Variants in LUZP2 observed in about 807,000 individuals in gnomAD.
The protein encoded by LUZP2 is leucine zipper protein 2.
Under a neutral mutation model 51.6 loss-of-function variants are expected in LUZP2, and 52 were observed. That is an observed-to-expected ratio of 1.01 (90% CI 0.81 to 1.27). The LOEUF is 1.27. LUZP2 is among the 50% of genes most tolerant of loss of function. The probability of loss-of-function intolerance (pLI) is 0.00; values close to 1 mark genes in which losing one functional copy is unlikely to be tolerated. For missense variants in LUZP2, 436 were observed against 395.4 expected, an observed-to-expected ratio of 1.10 and a Z score of -0.87; for synonymous variants, 154 against 137.3, an observed-to-expected ratio of 1.12 and a Z score of -0.85.
chr11:24,612,656 A>G (rs1227409761), intron 1 of LUZP2, among the ~76,000 whole-genome samples: 2 of 152,144 alleles, frequency 1.3e-5, no homozygotes, highest in Non-Finnish European at 2.9e-5. Flanking sequence ...AGCAGAATAT[A>G]AATAGATGAA....
At position 24,640,253 on chromosome 11, in the gene LUZP2, G is replaced by T. The variant is rs146375262; in HGVS notation, c.63-88916G>T. ...TCAAAAAGACTCCTGTGTATGTTTAGTCAAGCTGGGCGGAAAGTTAAGGGC... is the reference window on the plus strand; with the variant it reads ...TCAAAAAGACTCCTGTGTATGTTTATTCAAGCTGGGCGGAAAGTTAAGGGC... On this transcript the variant is annotated intron_variant, in intron 1 of 11. Transcript: ENST00000336930. 9.3e-4 allele frequency among the ~76,000 whole-genome samples: 141 copies of T among 152,032 alleles called. 2 individuals are homozygous for T. Among genetic ancestry groups the T allele is most frequent in the African/African-American group, 3.2e-3 (134 of 41,294 alleles).
At chr11:24,926,343 G>C (rs1854246314) in intron 7 of LUZP2, among the ~76,000 whole-genome samples, 1 of 101,504 alleles carries the variant, frequency 9.9e-6, no homozygotes, top group Non-Finnish European at 1.8e-5. Flanking sequence ...ATATATACGT[G>C]TGTATATATA....
intron 4 of LUZP2, chr11:24,763,015 A>G: frequency 8.9e-6 from 7 of 790,722 alleles, no homozygotes; most frequent in Non-Finnish European, 1.1e-5. Context: ...TCTCAATTTA[A>G]AAAAAAAATA....
In LUZP2 at chr11:24,607,341, C is replaced by CTTT. The variant is rs57741208; in HGVS notation, c.62+110063_62+110065dup. 1.1e-4 allele frequency among the ~76,000 whole-genome samples: 7 copies of CTTT among 63,408 alleles called. 1 individual carries two copies. Among genetic ancestry groups the CTTT allele is most frequent in the African/African-American group, 2.7e-4 (5 of 18,232 alleles). The allele number at this position is 63,408 out of a possible 152,430, so 41.6% of individuals were successfully genotyped here. On this transcript the variant is annotated intron_variant, in intron 1 of 11. Transcript: ENST00000336930. ...GTGGTATAAGATGGGGATATTATGT[C>CTTT]TTTTTTTTTTTTTTTTTTTTTTTTT...
intron 1 of LUZP2, among the ~76,000 whole-genome samples, chr11:24,718,718 A>C (rs893668433): frequency 1.3e-5 from 2 of 152,202 alleles, no homozygotes; most frequent in Non-Finnish European, 2.9e-5. Flanking sequence ...ATATTATAAT[A>C]CTAAAAAGAG....
At chr11:24,710,407 T>C (rs1049687164) in intron 1 of LUZP2, among the ~76,000 whole-genome samples, 1 of 152,108 alleles carries the variant, frequency 6.6e-6, no homozygotes, top group Non-Finnish European at 1.5e-5. Context: ...AAGCAGAAGA[T>C]TCATTTCACA....
chr11:24,592,320 T>A (rs2133844633), intron 1 of LUZP2, among the ~76,000 whole-genome samples: 1 of 152,298 alleles, frequency 6.6e-6, no homozygotes, highest in African/African-American at 2.4e-5. Flanking sequence ...ATATTTCACA[T>A]TTGATTTGAG....
At chr11:24,657,883 C>T (rs1241096603) in intron 1 of LUZP2, among the ~76,000 whole-genome samples, 2 of 152,168 alleles carry the variant, frequency 1.3e-5, no homozygotes, top group East Asian at 3.9e-4. Context: ...TGAAGAACCT[C>T]TTCAAGGAGA....
At chr11:24,866,744 A>G (rs749275074) in intron 5 of LUZP2, among the ~76,000 whole-genome samples, 7 of 152,230 alleles carry the variant, frequency 4.6e-5, no homozygotes, top group Non-Finnish European at 7.3e-5. Flanking sequence ...TTGAAAATTC[A>G]GAAAGACTTC....
At chr11:24,975,313 G>A (rs1043118534) in intron 7 of LUZP2, among the ~76,000 whole-genome samples, 3 of 152,026 alleles carry the variant, frequency 2.0e-5, no homozygotes, top group African/African-American at 4.8e-5. Flanking sequence ...TAAAATGGCA[G>A]CTTTCCTATA....
chr11:24,764,490 T>TAAAAAAAAAAAAAAAAAAAAAAAAAAAAA (rs869045272), intron 5 of LUZP2, among the ~76,000 whole-genome samples: 26 of 94,030 alleles, frequency 2.8e-4, no homozygotes, highest in Admixed American at 6.7e-4. Context: ...ATCTCATCTC[T>TAAAAAAAAAAAAAAAAAAAAAAAAAAAAA]AAAAAAAAAA....
At chr11:24,996,741 G>A (rs1445995171) in intron 9 of LUZP2, among the ~76,000 whole-genome samples, 3 of 151,880 alleles carry the variant, frequency 2.0e-5, no homozygotes, top group South Asian at 2.1e-4. Flanking sequence ...TTAGCATTAG[G>A]TATATCTCCT....
At chr11:24,715,110 A>AC (rs1857986469) in intron 1 of LUZP2, among the ~76,000 whole-genome samples, 1 of 151,872 alleles carries the variant, frequency 6.6e-6, no homozygotes, top group African/African-American at 2.4e-5. Flanking sequence ...TCTGGGCGTA[A>AC]GTGGACAGAG....
At chr11:24,675,294 G>C (rs1224187545) in intron 1 of LUZP2, among the ~76,000 whole-genome samples, 1 of 152,066 alleles carries the variant, frequency 6.6e-6, no homozygotes, top group Non-Finnish European at 1.5e-5. Context: ...CTTTGCAGTA[G>C]GATGCTTTAA....
chr11:24,714,320 G>A (rs1296202458), intron 1 of LUZP2, among the ~76,000 whole-genome samples: 1 of 151,902 alleles, frequency 6.6e-6, no homozygotes, highest in Admixed American at 6.6e-5. Flanking sequence ...AATAAAAAAA[G>A]GAAAACAAAA....
At chr11:24,551,282 G>A (rs1427956445) in intron 1 of LUZP2, among the ~76,000 whole-genome samples, 1 of 151,996 alleles carries the variant, frequency 6.6e-6, no homozygotes, top group Non-Finnish European at 1.5e-5. Flanking sequence ...ACTGATCTAT[G>A]TTACAACATG....
intron 4 of LUZP2, among the ~76,000 whole-genome samples, chr11:24,760,739 T>A (rs1310967389): frequency 6.6e-6 from 1 of 152,174 alleles, no homozygotes; most frequent in Non-Finnish European, 1.5e-5. Flanking sequence ...TCAGATGTGA[T>A]GAGGCTGTTA....
intron 9 of LUZP2, among the ~76,000 whole-genome samples, chr11:25,031,139 G>A (rs1413005214): frequency 6.8e-6 from 1 of 147,736 alleles, no homozygotes; most frequent in Non-Finnish European, 1.5e-5. Flanking sequence ...AGCCTCCTGA[G>A]TAGCTGGGAC....
chr11:24,952,215 C>T (rs1178301570), intron 7 of LUZP2, among the ~76,000 whole-genome samples: 2 of 151,420 alleles, frequency 1.3e-5, no homozygotes, highest in African/African-American at 4.8e-5. Context: ...ATTTTTCCAC[C>T]ATCTATGTAT....
Sources: allele counts gnomAD v4.1 joint callset (sites outside exome capture counted in the v4.1 genomes callset), GRCh38; gene constraint gnomAD v4.1.1; transcripts MANE v1.5; gene names NCBI Gene and HGNC (gene_info 2026-07-23, HGNC 2026-07-21).